The following TEX14 variants were observed in gnomAD, a reference collection of about 807,000 sequenced individuals.
TEX14 encodes the protein testis expressed 14, intercellular bridge forming factor, also known as inactive serine/threonine-protein kinase TEX14.
Under a neutral mutation model 178.6 loss-of-function variants are expected in TEX14, and 168 were observed. The observed-to-expected ratio is 0.94, with a 90% CI of 0.83 to 1.07. TEX14 has a LOEUF of 1.07. Among genes scored for constraint, TEX14 ranks in the 50% least tolerant of loss-of-function variants. The pLI is 0.00. For synonymous variants in TEX14, 626 were observed against 634.1 expected (o/e 0.99, Z 0.19); for missense variants, 1,730 against 1,753.6 (o/e 0.99, Z 0.24).
intron 28 of TEX14, among the ~76,000 whole-genome samples, chr17:58,563,622 TA>T (rs1271373962): frequency 0.029 from 64 of 2,182 alleles, no homozygotes; most frequent in African/African-American, 0.15. Flanking sequence ...ATCTCTAATT[TA>T]TATATATATA....
chr17:58,604,836 C>T (rs1003252645), intron 11 of TEX14, 142 bp downstream of exon 11: 5 of 922,858 alleles, frequency 5.4e-6, no homozygotes, highest in African/African-American at 3.3e-5. Context: ...GCTGGGATTA[C>T]AGGCGTGAGC....
In TEX14 at chr17:58,599,380, A is replaced by C; in HGVS notation, c.1965T>G (p.Asp655Glu). 6.2e-7 allele frequency: 1 copy of C among 1,614,188 alleles called. No individual in the cohort carries two copies. The highest frequency in any genetic ancestry group is 1.7e-5 in the Admixed American group (1 of 60,010). Residue 655 changes from aspartate to glutamate, a missense_variant, in exon 14 of 32, where the codon GAT (aspartate) becomes GAG (glutamate). Asp to Glu is a conservative substitution (Grantham distance 45). Around this residue, in one of 2 missense-constraint regions of TEX14, gnomAD observed 941 missense variants for 1,072.4 expected, o/e 0.88. Coordinates refer to ENST00000349033, the MANE Select transcript of TEX14 (RefSeq NM_031272.5). ...GCTCTTCTTCCATGGATTTCAGTTC[A>C]TCTACCTGGTTAGGTCCGTCTGCCT... Reference protein sequence around the residue: ...SLEADGPNQVDELKSMEEELD... With the variant: ...SLEADGPNQVEELKSMEEELD...
chr17:58,600,333 AACCAACATGGTG>A lies in TEX14; in HGVS notation c.1679-679_1679-668del, dbSNP rs201532129. 4.2e-3 allele frequency among the ~76,000 whole-genome samples: 645 copies of A among 151,910 alleles called. 6 individuals carry two copies. The highest frequency in any genetic ancestry group is 0.015 in the African/African-American group (616 of 41,284). On this transcript the variant is annotated intron_variant, in intron 13 of 31. Coordinates refer to ENST00000349033, the MANE Select transcript of TEX14 (RefSeq NM_031272.5). ...GAGGTCAGGAGTTCGAGTGGTCTCA[AACCAACATGGTG>A]ACCAACATGGTGACCACCATGGCCT...
At position 58,690,730 on chromosome 17, in the gene TEX14, C is replaced by T. The variant is rs978608167; in HGVS notation, c.-2+1209G>A. On this transcript the variant is annotated intron_variant, in intron 1 of 31. Transcript: ENST00000349033. ...GCCAACCACATTTTGGCCAGTCCTACAAGACTTTCTTTGACCTACCAAATG... is the reference window on the plus strand; with the variant it reads ...GCCAACCACATTTTGGCCAGTCCTATAAGACTTTCTTTGACCTACCAAATG... Among the ~76,000 whole-genome samples, 4 of 152,268 alleles carry T rather than the reference C, an allele frequency of 2.6e-5. No individual in the cohort carries two copies. The East Asian group carries it at 7.7e-4, about 29-fold the overall frequency.
At chr17:58,578,732 C>A (rs1294619197) in intron 20 of TEX14, among the ~76,000 whole-genome samples, 2 of 152,180 alleles carry the variant, frequency 1.3e-5, no homozygotes, top group Non-Finnish European at 2.9e-5. Context: ...GTGGGTGGCC[C>A]AAGGCTCTGG....
intron 2 of TEX14, among the ~76,000 whole-genome samples, chr17:58,635,596 A>C (rs1434514297): frequency 6.6e-6 from 1 of 152,036 alleles, no homozygotes; most frequent in East Asian, 1.9e-4. Context: ...TGCCCAGCTA[A>C]TTTTTGTATT....
At position 58,569,278 on chromosome 17, in the gene TEX14, CA is replaced by C; in HGVS notation, c.3818-19del. Reference sequence around the variant, plus strand: ...GGCTTCTACTAGTTTTTAAAAAAGACAAAAGGGAAAATGTCTTAACACCCTC... The same window carrying C: ...GGCTTCTACTAGTTTTTAAAAAAGACAAAGGGAAAATGTCTTAACACCCTC... On this transcript the variant is annotated intron_variant, in intron 25 of 31. Coordinates refer to ENST00000349033, the MANE Select transcript of TEX14 (RefSeq NM_031272.5). The surrounding 1 kb of genome is among the most constrained non-coding windows in gnomAD (Gnocchi z 4.1). The C allele has an allele frequency of 6.2e-7, 1 of 1,610,626 alleles. No individual in the cohort carries two copies. Among genetic ancestry groups the C allele is most frequent in the Non-Finnish European group, 8.5e-7 (1 of 1,177,116 alleles).
At chr17:58,683,565 C>G (rs1033050519) in intron 1 of TEX14, among the ~76,000 whole-genome samples, 2 of 144,634 alleles carry the variant, frequency 1.4e-5, no homozygotes, top group African/African-American at 5.2e-5. Context: ...GAGTTCAAGA[C>G]CAGCCTGGTC....
chr17:58,657,820 C>T (rs1490851029), intron 1 of TEX14, among the ~76,000 whole-genome samples: 1 of 152,138 alleles, frequency 6.6e-6, no homozygotes, highest in Non-Finnish European at 1.5e-5. Context: ...TGTCTGGGGA[C>T]TAGATTGCCT....
At chr17:58,558,014 G>A (rs2044184845) in intron 30 of TEX14, among the ~76,000 whole-genome samples, 164 bp from the exon 31 acceptor site, 1 of 152,162 alleles carries the variant, frequency 6.6e-6, no homozygotes, top group Non-Finnish European at 1.5e-5. Context: ...CAATTAATGG[G>A]CTTCCCCTCC....
At position 58,631,132 on chromosome 17, in the gene TEX14, A is replaced by C; in HGVS notation, c.137-578T>G. ...TACCAAGAAAAAAATTTAGTCCTCC[A>C]GAAGACCAAAAAACACCAAGAAATA... On this transcript the variant is annotated intron_variant, in intron 2 of 31. Coordinates refer to ENST00000349033, the MANE Select transcript of TEX14 (RefSeq NM_031272.5). 6.1e-6 allele frequency: 6 copies of C among 984,118 alleles called. No individual in the cohort carries two copies. In the South Asian group the frequency reaches 1.9e-4, roughly 31 times the overall value. 61.0% of individuals were successfully genotyped at this position (984,118 alleles called of 1,614,324 possible).
intron 1 of TEX14, among the ~76,000 whole-genome samples, chr17:58,662,450 CACAG>C (rs2047133291): frequency 6.7e-6 from 1 of 150,168 alleles, no homozygotes; most frequent in Non-Finnish European, 1.5e-5. Flanking sequence ...CACACACACA[CACAG>C]AATCAAACCA....
intron 14 of TEX14, 68 bp from the exon 15 acceptor site, chr17:58,593,729 A>G: frequency 7.7e-7 from 1 of 1,306,232 alleles, no homozygotes; most frequent in Admixed American, 1.8e-5. Flanking sequence ...CTGTCACACT[A>G]TTTTCAAAGC....
rs991649599 is a variant in TEX14, at chr17:58,557,056, A to G, written c.4320-9T>C. 3 of 1,613,056 alleles carry G rather than the reference A, an allele frequency of 1.9e-6. No individual in the cohort carries two copies. Among genetic ancestry groups the G allele is most frequent in the African/African-American group, 1.3e-5 (1 of 74,908 alleles). On this transcript the variant is annotated splice_polypyrimidine_tract_variant and intron_variant, in intron 31 of 31. Coordinates refer to ENST00000349033, the MANE Select transcript of TEX14 (RefSeq NM_031272.5). ...GATCCAGCACGATTATCCTATGCACATGTTTTTTAAAGAACAAAAAAGGAA... is the reference window on the plus strand; with the variant it reads ...GATCCAGCACGATTATCCTATGCACGTGTTTTTTAAAGAACAAAAAAGGAA...
chr17:58,673,109 C>T (rs1366129881), intron 1 of TEX14, among the ~76,000 whole-genome samples: 1 of 151,876 alleles, frequency 6.6e-6, no homozygotes, highest in Non-Finnish European at 1.5e-5. Context: ...GGAGCCACTC[C>T]CAAAGGGAAA....
chr17:58,648,870 A>G (rs1484067429), intron 2 of TEX14, among the ~76,000 whole-genome samples: 1 of 146,030 alleles, frequency 6.8e-6, no homozygotes, highest in Non-Finnish European at 1.5e-5. Context: ...GATCACTGCA[A>G]GCTCCGCCTC....
At chr17:58,570,256 T>C (rs2044490573) in intron 25 of TEX14, 129 bp downstream of exon 25, 2 of 519,568 alleles carry the variant, frequency 3.8e-6, no homozygotes, top group Admixed American at 6.9e-5. Flanking sequence ...ACAATGAGTG[T>C]GTTTTACTTT....
At chr17:58,626,560 A>C (rs1475146464) in intron 3 of TEX14, among the ~76,000 whole-genome samples, 1 of 74,052 alleles carries the variant, frequency 1.4e-5, no homozygotes, top group Non-Finnish European at 2.4e-5. Flanking sequence ...ACAGGGTGAG[A>C]CTCCATCTCA....
intron 28 of TEX14, among the ~76,000 whole-genome samples, chr17:58,561,925 C>A (rs1167591126): frequency 6.6e-6 from 1 of 151,942 alleles, no homozygotes; most frequent in East Asian, 1.9e-4. Context: ...ATCTCTACTA[C>A]AAATACAAAA....
Sources: allele counts gnomAD v4.1 joint callset (sites outside exome capture counted in the v4.1 genomes callset), GRCh38; gene constraint gnomAD v4.1.1; regional missense constraint gnomAD v4.1.1; non-coding constraint Gnocchi (gnomAD v3.1); transcripts MANE v1.5; gene names NCBI Gene and HGNC (gene_info 2026-07-23, HGNC 2026-07-21).